ST6GALNAC3: variants seen among roughly 807,000 people sequenced by gnomAD.
ST6GALNAC3 encodes the protein alpha-N-acetylgalactosaminide alpha-2,6-sialyltransferase 3.
ST6GALNAC3 carries 25 observed loss-of-function variants against 32.7 expected under a neutral mutation model. The observed-to-expected ratio is 0.76, with a 90% CI of 0.56 to 1.07. The LOEUF (loss-of-function observed/expected upper bound fraction) is 1.07. Ranked by LOEUF, ST6GALNAC3 falls within the 50% of genes least tolerant of loss-of-function variation. The pLI, the probability that ST6GALNAC3 is intolerant of heterozygous loss-of-function variation, is 0.00. For synonymous variants in ST6GALNAC3, 129 were observed against 133.1 expected (o/e 0.97, Z 0.21); for missense variants, 355 against 382.4 (o/e 0.93, Z 0.60).
chr1:76,582,597 A>G (rs922406375), intron 3 of ST6GALNAC3, among the ~76,000 whole-genome samples: 2 of 152,206 alleles, frequency 1.3e-5, no homozygotes, highest in Admixed American at 6.5e-5. Flanking sequence ...ACAAATGGTC[A>G]TCCACATTTA....
chr1:76,577,374 C>G (rs1009384111), intron 3 of ST6GALNAC3: 1 of 964,870 alleles, frequency 1.0e-6, no homozygotes, highest in Non-Finnish European at 1.2e-6. Context: ...GCCTCTTAAT[C>G]TTTTAGTGGA....
chr1:76,125,555 C>T (rs1425759887), intron 1 of ST6GALNAC3, among the ~76,000 whole-genome samples: 2 of 152,184 alleles, frequency 1.3e-5, no homozygotes, highest in Admixed American at 6.5e-5. Flanking sequence ...CAGGGCAAGC[C>T]TCTGTGGTCC....
At chr1:76,594,246 A>G (rs1647094433) in intron 3 of ST6GALNAC3, among the ~76,000 whole-genome samples, 1 of 152,198 alleles carries the variant, frequency 6.6e-6, no homozygotes, top group African/African-American at 2.4e-5. Flanking sequence ...TATTTTTTTT[A>G]GAGACATAGC....
chr1:76,088,856 TC>T (rs1647000608), intron 1 of ST6GALNAC3, among the ~76,000 whole-genome samples: 1 of 152,132 alleles, frequency 6.6e-6, no homozygotes, highest in Admixed American at 6.6e-5. Context: ...TGTGCAAAGA[TC>T]CGGTGGCATG....
intron 1 of ST6GALNAC3, among the ~76,000 whole-genome samples, chr1:76,176,522 A>C (rs1652865401): frequency 6.6e-6 from 1 of 152,248 alleles, no homozygotes; most frequent in Non-Finnish European, 1.5e-5. Flanking sequence ...AAAGAAAGAC[A>C]TCTGTGACGT....
Position 76,631,312 on chromosome 1 carries a change from AAAAAAC to A in ST6GALNAC3, c.*2509_*2514del, listed in dbSNP as rs1425423567. The A allele has an allele frequency of 6.6e-6, 1 of 152,020 alleles. No homozygotes were observed. The highest frequency in any genetic ancestry group is 1.5e-5 in the Non-Finnish European group (1 of 68,074). 9.4% of individuals were successfully genotyped at this position (152,020 alleles called of 1,614,324 possible). A position where few individuals can be genotyped will look rare whatever the true frequency, so the allele number is the denominator to read the frequency against. On this transcript the variant is annotated 3_prime_UTR_variant, in exon 5 of 5. Transcript: ENST00000328299. Reference sequence around the variant, plus strand: ...TCTACAAACAGGAAACAAAAAAAAAAAAAAACAAGTTTTTCTCAATTTGGAGACTCA... The same window carrying A: ...TCTACAAACAGGAAACAAAAAAAAAAAAGTTTTTCTCAATTTGGAGACTCA...
intron 1 of ST6GALNAC3, among the ~76,000 whole-genome samples, chr1:76,257,695 C>A (rs1657996945): frequency 6.6e-6 from 1 of 152,066 alleles, no homozygotes; most frequent in African/African-American, 2.4e-5. Context: ...TTGGCCTGTA[C>A]CCACTGTTCA....
intron 3 of ST6GALNAC3, among the ~76,000 whole-genome samples, chr1:76,444,650 T>C (rs1656844534): frequency 6.6e-6 from 1 of 152,230 alleles, no homozygotes; most frequent in Admixed American, 6.5e-5. Context: ...GTCTGGACTC[T>C]GGTAGGGAGC....
intron 2 of ST6GALNAC3, among the ~76,000 whole-genome samples, chr1:76,335,201 T>C (rs1036172297): frequency 3.3e-5 from 5 of 152,204 alleles, no homozygotes; most frequent in Non-Finnish European, 5.9e-5. Flanking sequence ...CAATCACAAA[T>C]AGGGCAGGCT....
intron 1 of ST6GALNAC3, among the ~76,000 whole-genome samples, chr1:76,256,492 TG>T (rs1183437048): frequency 1.3e-5 from 2 of 152,114 alleles, no homozygotes; most frequent in African/African-American, 4.8e-5. Context: ...GAAGTGGCGT[TG>T]TAAGTGGCAC....
At chr1:76,107,881 C>G (rs1340879191) in intron 1 of ST6GALNAC3, among the ~76,000 whole-genome samples, 1 of 152,182 alleles carries the variant, frequency 6.6e-6, no homozygotes, top group Non-Finnish European at 1.5e-5. Context: ...CTTTCATCAT[C>G]CTCAGAACCT....
At chr1:76,471,681 G>T (rs939677265) in intron 3 of ST6GALNAC3, among the ~76,000 whole-genome samples, 3 of 152,018 alleles carry the variant, frequency 2.0e-5, no homozygotes, top group Non-Finnish European at 2.9e-5. Flanking sequence ...ATAAACATTT[G>T]CTAGGCCTCT....
chr1:76,490,745 C>T (rs1261326034), intron 3 of ST6GALNAC3, among the ~76,000 whole-genome samples: 2 of 152,014 alleles, frequency 1.3e-5, no homozygotes, highest in Non-Finnish European at 2.9e-5. Flanking sequence ...TCCAGTTCCA[C>T]GTAATAGTCA....
At chr1:76,582,344 G>A (rs1278988084) in intron 3 of ST6GALNAC3, among the ~76,000 whole-genome samples, 2 of 152,122 alleles carry the variant, frequency 1.3e-5, no homozygotes, top group Non-Finnish European at 2.9e-5. Flanking sequence ...TTGGTGGCTG[G>A]GTTCTGAGAC....
At chr1:76,591,743 C>T (rs763712269) in intron 3 of ST6GALNAC3, among the ~76,000 whole-genome samples, 31 of 152,132 alleles carry the variant, frequency 2.0e-4, no homozygotes, top group African/African-American at 7.0e-4. Context: ...CTGGCTGCCT[C>T]TACCTGGGAG....
chr1:76,585,323 T>A (rs1293538166), intron 3 of ST6GALNAC3, among the ~76,000 whole-genome samples: 1 of 151,260 alleles, frequency 6.6e-6, no homozygotes, highest in African/African-American at 2.4e-5. Context: ...GCAGTGGAGG[T>A]TGCAGTGAGC....
intron 2 of ST6GALNAC3, among the ~76,000 whole-genome samples, chr1:76,356,876 C>CGGT (rs1273980853): frequency 6.6e-6 from 1 of 152,088 alleles, no homozygotes; most frequent in African/African-American, 2.4e-5. Context: ...TTCAGCAAAA[C>CGGT]CGTATTGCGG....
chr1:76,194,455 A>G (rs528753237), intron 1 of ST6GALNAC3, among the ~76,000 whole-genome samples: 1 of 152,188 alleles, frequency 6.6e-6, no homozygotes, highest in Admixed American at 6.5e-5. Context: ...AATTAAAACT[A>G]GAAATATTTT....
chr1:76,584,996 A>G (rs1646939885), intron 3 of ST6GALNAC3, among the ~76,000 whole-genome samples: 1 of 152,234 alleles, frequency 6.6e-6, no homozygotes, highest in African/African-American at 2.4e-5. Flanking sequence ...TACCCAGCCC[A>G]TTATGATAAA....
Sources: allele counts gnomAD v4.1 joint callset (sites outside exome capture counted in the v4.1 genomes callset), GRCh38; gene constraint gnomAD v4.1.1; transcripts MANE v1.5; gene names NCBI Gene and HGNC (gene_info 2026-07-23, HGNC 2026-07-21).